Variants in GAL3ST1 observed in about 807,000 individuals in gnomAD.
GAL3ST1 encodes the protein galactose-3-O-sulfotransferase 1, also known as galactosylceramide sulfotransferase.
Under a neutral mutation model 25.0 loss-of-function variants are expected in GAL3ST1, and 13 were observed. That is an observed-to-expected ratio of 0.52 (90% confidence interval 0.34 to 0.83). The LOEUF is 0.83. Among genes scored for constraint, GAL3ST1 ranks in the 40% least tolerant of loss-of-function variants. The pLI is 0.02. For synonymous variants in GAL3ST1, 274 were observed against 277.8 expected (o/e 0.99, Z 0.14); for missense variants, 474 against 613.6 (o/e 0.77, Z 2.40).
chr22:30,563,097 CAGAG>C (rs1208485383), intron 1 of GAL3ST1: 6 of 152,014 alleles, frequency 3.9e-5, no homozygotes, highest in Admixed American at 3.3e-4. Flanking sequence ...GCCTGGGTGA[CAGAG>C]AGAGACTCTT....
intron 2 of GAL3ST1, chr22:30,557,768 G>C: frequency 6.1e-6 from 1 of 162,864 alleles, no homozygotes. Context: ...GAAAAAATGA[G>C]ACAACTAATA....
intron 1 of GAL3ST1, among the ~76,000 whole-genome samples, chr22:30,562,252 C>T (rs776489574): frequency 1.3e-5 from 2 of 152,038 alleles, no homozygotes; most frequent in Non-Finnish European, 2.9e-5. Context: ...ATGGGGGTCT[C>T]ACTCTACTGC....
chr22:30,566,741 C>T (rs1225775376), intron 1 of GAL3ST1, among the ~76,000 whole-genome samples: 1 of 152,034 alleles, frequency 6.6e-6, no homozygotes, highest in East Asian at 1.9e-4. Flanking sequence ...TCCTGAGTAG[C>T]TGGGACTACA....
intron 1 of GAL3ST1, among the ~76,000 whole-genome samples, chr22:30,571,056 AAG>A (rs966762294): frequency 6.6e-6 from 1 of 151,998 alleles, no homozygotes; most frequent in African/African-American, 2.4e-5. Context: ...AAGATAAATA[AAG>A]ATATTTCCAC....
chr22:30,555,805 G>C lies in GAL3ST1; in HGVS notation c.420C>G (p.Asn140Lys). ...RPGACFNIIC[N>K]HMRFHYDEVR... is the part of the protein sequence containing the mutation. ...CCTCGTCGTAGTGGAAGCGCATGTG[G>C]TTGCAGATGATGTTGAAGCAGGCCC... Residue 140 changes from asparagine to lysine, a missense_variant, in exon 4 of 4, where the codon AAC (asparagine) becomes AAG (lysine). Transcript: ENST00000406361. This position sits in a 1 kb window ranked among gnomAD's most constrained non-coding sequence, Gnocchi z 8.6. 6.2e-7 allele frequency: 1 copy of C among 1,614,062 alleles called. No homozygotes were observed. Among genetic ancestry groups the C allele is most frequent in the East Asian group, 2.2e-5 (1 of 44,898 alleles).
Position 30,556,086 on chromosome 22 carries a change from C to T in GAL3ST1, c.139G>A (p.Glu47Lys), listed in dbSNP as rs757564882. Residue 47 changes from glutamate (E) to lysine (K), a missense_variant, in exon 4 of 4, where the codon GAG (glutamate) becomes AAG (lysine). Physicochemically the swap from Glu to Lys is moderately conservative, Grantham distance 56 (BLOSUM62 1). Transcript: ENST00000406361. ...LHAGLASTTP[E>K]AAASCSPPAL... ...GGTGGAGAGCAGGACGCTGCGGCCT[C>T]CGGGGTCCTGCTGGGGACAGAGAGG... 3 of 1,602,602 alleles carry T rather than the reference C, an allele frequency of 1.9e-6. No homozygotes were observed. The African/African-American group carries it at 4.0e-5, about 21-fold the overall frequency.
chr22:30,566,114 C>T (rs2086613550), intron 1 of GAL3ST1: 1 of 152,310 alleles, frequency 6.6e-6, no homozygotes, highest in Non-Finnish European at 1.5e-5. Context: ...CACGAAACAC[C>T]AGAGCTTAAA....
chr22:30,555,176 T>C lies in GAL3ST1; in HGVS notation c.1049A>G (p.His350Arg). The change falls in exon 4 of 4, where the codon CAC (histidine) becomes CGC (arginine). Residue 350 changes from histidine to arginine, a missense_variant. His to Arg is a conservative substitution (Grantham distance 29). Around this residue, in one of 2 missense-constraint regions of GAL3ST1, gnomAD observed 359 missense variants for 504.4 expected, o/e 0.71. Transcript: ENST00000406361. The surrounding 1 kb of genome is among the most constrained non-coding windows in gnomAD (Gnocchi z 8.6). ...CTGGATGGCGGCGGCGTCCACGGCG[T>C]GGCCCCCGTCGATGCAGATGGTCCG... ...RMRTICIDGG[H>R]AVDAAAIQDE... is the part of the protein sequence containing the mutation. 6.2e-7 allele frequency: 1 copy of C among 1,602,444 alleles called. No homozygotes were observed. Among genetic ancestry groups the C allele is most frequent in the East Asian group, 2.2e-5 (1 of 44,682 alleles).
intron 1 of GAL3ST1, among the ~76,000 whole-genome samples, chr22:30,569,825 G>A (rs930100311): frequency 5.9e-5 from 9 of 152,176 alleles, no homozygotes; most frequent in African/African-American, 1.9e-4. Context: ...GGTGGCGTGC[G>A]CCACCCAGCA....
chr22:30,557,230 A>C, intron 3 of GAL3ST1, 32 bp downstream of exon 3: 1 of 1,611,800 alleles, frequency 6.2e-7, no homozygotes, highest in Non-Finnish European at 8.5e-7. Flanking sequence ...TCCCCCACCT[A>C]CACCCATCAT....
chr22:30,559,465 T>C (rs2086252467), intron 1 of GAL3ST1, among the ~76,000 whole-genome samples: 1 of 152,322 alleles, frequency 6.6e-6, no homozygotes, highest in Non-Finnish European at 1.5e-5. Context: ...CATCTTGATC[T>C]CCTGACCTTG....
intron 1 of GAL3ST1, among the ~76,000 whole-genome samples, chr22:30,563,441 C>T (rs962565864): frequency 6.6e-6 from 1 of 152,068 alleles, no homozygotes; most frequent in Non-Finnish European, 1.5e-5. Context: ...CATGGCAAGA[C>T]CTCATCTCTA....
chr22:30,568,027 A>T (rs529042666), intron 1 of GAL3ST1, among the ~76,000 whole-genome samples: 4 of 152,324 alleles, frequency 2.6e-5, no homozygotes. Flanking sequence ...TTTACTGGGC[A>T]CCTGCACTCC....
In GAL3ST1 at chr22:30,555,725, G is replaced by A. The variant is rs1450153256; in HGVS notation, c.500C>T (p.Ala167Val). The change falls in exon 4 of 4, where the codon GCC becomes GTC. Residue 167 changes from alanine to valine, a missense_variant. By Grantham distance (64) the Ala-to-Val change is moderately conservative (BLOSUM62 0). Transcript: ENST00000406361. The surrounding 1 kb of genome is among the most constrained non-coding windows in gnomAD (Gnocchi z 8.6). ...AIFITVLRDP[A>V]RLFESSFHYF... ...GTGGAAGGAGGACTCGAACAAGCGG[G>A]CGGGGTCGCGGAGCACCGTGATGAA... 6.2e-7 allele frequency: 1 copy of A among 1,613,944 alleles called. No homozygotes were observed. The highest frequency in any genetic ancestry group is 8.5e-7 in the Non-Finnish European group (1 of 1,180,038).
Position 30,555,763 on chromosome 22 carries a change from C to A in GAL3ST1, c.462G>T (p.Pro154=). ...FHYDEVRGLV[P]TNAIFITVLR... ...GCACCGTGATGAAGATGGCGTTGGT[C>A]GGCACCAGGCCGCGCACCTCGTCGT... Residue 154 remains proline (P), a synonymous_variant, in exon 4 of 4, where the codon CCG becomes CCT. Transcript: ENST00000406361. The surrounding 1 kb of genome is among the most constrained non-coding windows in gnomAD (Gnocchi z 8.6). 1 of 1,614,098 alleles carries A rather than the reference C, an allele frequency of 6.2e-7. No individual in the cohort carries two copies. The highest frequency in any genetic ancestry group is 1.1e-5 in the South Asian group (1 of 91,066).
At chr22:30,557,701 T>C (rs2086124957) in intron 2 of GAL3ST1, 1 of 282,908 alleles carries the variant, frequency 3.5e-6, no homozygotes, top group Admixed American at 5.1e-5. Context: ...CCCCAAACTT[T>C]CCACTCCTTT....
At position 30,564,379 on chromosome 22, in the gene GAL3ST1, A is replaced by G. The variant is rs574503813; in HGVS notation, c.-119-5991T>C. ...AGACTCCTAGCCTCAGGGTCAGAAG[A>G]CAAAGAGGCAGGGAGGCTCAGACTC... On this transcript the variant is annotated intron_variant, in intron 1 of 3. Coordinates refer to ENST00000406361, the MANE Select transcript of GAL3ST1 (RefSeq NM_001318104.2). Among the ~76,000 whole-genome samples the G allele has an allele frequency of 9.8e-5, 15 of 152,332 alleles. No homozygotes were observed. In the South Asian group the frequency reaches 2.9e-3, roughly 29 times the overall value.
chr22:30,567,298 G>T (rs1055844278), intron 1 of GAL3ST1, among the ~76,000 whole-genome samples: 1 of 152,032 alleles, frequency 6.6e-6, no homozygotes, highest in Non-Finnish European at 1.5e-5. Context: ...TTTGACACAA[G>T]GTCTTGCTCT....
intron 1 of GAL3ST1, among the ~76,000 whole-genome samples, chr22:30,573,687 C>T (rs939714233): frequency 2.0e-5 from 3 of 152,274 alleles, no homozygotes; most frequent in Non-Finnish European, 4.4e-5. Flanking sequence ...CTCTCCCTTT[C>T]CTTCCCCCTG....
Sources: gnomAD v4.1 joint callset for allele counts (sites outside exome capture counted in the v4.1 genomes callset) on GRCh38, gnomAD v4.1.1 for gene constraint, gnomAD v4.1.1 regional missense constraint, Gnocchi (gnomAD v3.1) non-coding constraint, MANE v1.5 for transcripts, NCBI Gene and HGNC (gene_info 2026-07-23, HGNC 2026-07-21) for gene names.